Variants in ZDHHC17 observed in about 807,000 individuals in gnomAD.
ZDHHC17 encodes the protein palmitoyltransferase ZDHHC17.
ZDHHC17 carries 40 observed loss-of-function variants against 90.3 expected under a neutral mutation model. The observed-to-expected ratio is 0.44, with a 90% confidence interval of 0.34 to 0.58. ZDHHC17 has a LOEUF of 0.58. Among genes scored for constraint, ZDHHC17 ranks in the 20% least tolerant of loss-of-function variants. ZDHHC17 has a pLI of 0.01. For missense variants in ZDHHC17, 614 were observed against 780.8 expected, an observed-to-expected ratio of 0.79 and a Z score of 2.55; for synonymous variants, 235 against 252.4, an observed-to-expected ratio of 0.93 and a Z score of 0.65.
At position 76,788,688 on chromosome 12, in the gene ZDHHC17, A is replaced by ATATT. The variant is rs61663401; in HGVS notation, c.94-8745_94-8744insATTT. ...AAAATATATTTAAGTTGGAATCGCA[A>ATATT]TTTTTTTTTTTTTTTTTTTTTTTTT... On this transcript the variant is annotated intron_variant, in intron 1 of 16. Transcript: ENST00000426126. Among the ~76,000 whole-genome samples the ATATT allele has an allele frequency of 5.4e-4, 53 of 98,660 alleles. 13 individuals are homozygous for ATATT. The highest frequency in any genetic ancestry group is 8.6e-3 in the Middle Eastern group (1 of 116). The allele number at this position is 98,660 out of a possible 152,430, so 64.7% of individuals were successfully genotyped here. A position where few individuals can be genotyped will look rare whatever the true frequency, so the allele number is the denominator to read the frequency against.
rs182557393 is a variant in ZDHHC17, at chr12:76,815,451, T to G, written c.608+241T>G. Among the ~76,000 whole-genome samples, 106 of 151,964 alleles carry G rather than the reference T, an allele frequency of 7.0e-4. No individual in the cohort carries two copies. In the Middle Eastern group the frequency reaches 0.01, roughly 15 times the overall value. On this transcript the variant is annotated intron_variant, in intron 6 of 16. Transcript: ENST00000426126. ...ATATCTAAGAAAAGAAGTTATCTTTTTTTAAAAATTAATTAATTTTTTCAT... is the reference window on the plus strand; with the variant it reads ...ATATCTAAGAAAAGAAGTTATCTTTGTTTAAAAATTAATTAATTTTTTCAT...
At chr12:76,829,975 G>A (rs1397757180) in intron 10 of ZDHHC17, among the ~76,000 whole-genome samples, 1 of 152,110 alleles carries the variant, frequency 6.6e-6, no homozygotes, top group East Asian at 1.9e-4. Flanking sequence ...CTACAGGCGT[G>A]CACCACCACG....
Position 76,794,030 on chromosome 12 carries a change from C to T in ZDHHC17, c.94-3404C>T, listed in dbSNP as rs568221400. ...CCTCCCGAGTAGCTGGGACTACAGG[C>T]GCCTGCCACCATGCTGGGCTAAATT... On this transcript the variant is annotated intron_variant, in intron 1 of 16. Coordinates refer to ENST00000426126, the MANE Select transcript of ZDHHC17 (RefSeq NM_015336.4). Among the ~76,000 whole-genome samples the T allele has an allele frequency of 1.8e-3, 269 of 152,106 alleles. 2 individuals are homozygous for T. Among genetic ancestry groups the T allele is most frequent in the African/African-American group, 6.3e-3 (260 of 41,480 alleles).
At chr12:76,786,110 T>TTTTC (rs578102163) in intron 1 of ZDHHC17, among the ~76,000 whole-genome samples, 1 of 141,170 alleles carries the variant, frequency 7.1e-6, no homozygotes, top group Non-Finnish European at 1.5e-5. Context: ...TTTTTCTTTC[T>TTTTC]TTTCTTTCTT....
At chr12:76,775,423 A>G (rs982597117) in intron 1 of ZDHHC17, among the ~76,000 whole-genome samples, 13 of 152,210 alleles carry the variant, frequency 8.5e-5, no homozygotes, top group African/African-American at 3.1e-4. Flanking sequence ...CAGTGATTCC[A>G]AAGAGGCTAA....
chr12:76,842,230 G>A (rs1953444474), intron 11 of ZDHHC17, 124 bp downstream of exon 11: 6 of 1,057,794 alleles, frequency 5.7e-6, no homozygotes, highest in African/African-American at 1.7e-5. Flanking sequence ...GCTAAATTGA[G>A]ATTATGTATC....
chr12:76,850,820 GTTTTC>G (rs1312559447), intron 16 of ZDHHC17, 22 bp from the exon 17 acceptor site: 4 of 1,608,100 alleles, frequency 2.5e-6, no homozygotes, highest in African/African-American at 2.7e-5. Flanking sequence ...TGACTGACGT[GTTTTC>G]TTTTTGGGGT....
chr12:76,809,921 T>C, intron 5 of ZDHHC17, 64 bp downstream of exon 5: 2 of 1,527,852 alleles, frequency 1.3e-6, no homozygotes, highest in South Asian at 1.2e-5. Flanking sequence ...ATGCCTAATA[T>C]TATTGGTGTT....
At chr12:76,811,044 T>C (rs1953013063) in intron 5 of ZDHHC17, among the ~76,000 whole-genome samples, 1 of 152,218 alleles carries the variant, frequency 6.6e-6, no homozygotes, top group Admixed American at 6.5e-5. Context: ...CATATTGGCT[T>C]AGAGCTCCCA....
chr12:76,808,955 T>G (rs1952988027), intron 3 of ZDHHC17, 88 bp from the exon 4 acceptor site: 2 of 764,898 alleles, frequency 2.6e-6, no homozygotes, highest in African/African-American at 3.7e-5. Context: ...AGATCTGAAA[T>G]AGAAAACATG....
chr12:76,828,565 AT>A, intron 10 of ZDHHC17, 75 bp downstream of exon 10: 1 of 1,284,964 alleles, frequency 7.8e-7, no homozygotes, highest in Non-Finnish European at 1.1e-6. Flanking sequence ...ATAATTTGAC[AT>A]TAGGACTGAT....
rs1014795936 is a variant in ZDHHC17 at position 76,810,279 on chromosome 12, T to G, written c.543+422T>G. Among the ~76,000 whole-genome samples, 7 of 152,268 alleles carry G rather than the reference T, an allele frequency of 4.6e-5. No individual in the cohort carries two copies. In the South Asian group the frequency reaches 1.2e-3, roughly 27 times the overall value. Reference sequence around the variant, plus strand: ...TTCTGCTGTATAAGATAATGCTGCTTCTTACTTGTCAGAAAAACATCATAT... The same window carrying G: ...TTCTGCTGTATAAGATAATGCTGCTGCTTACTTGTCAGAAAAACATCATAT... On this transcript the variant is annotated intron_variant, in intron 5 of 16. Transcript: ENST00000426126.
intron 1 of ZDHHC17, among the ~76,000 whole-genome samples, chr12:76,792,244 CA>C (rs1411763456): frequency 2.0e-5 from 3 of 152,146 alleles, no homozygotes; most frequent in African/African-American, 7.2e-5. Flanking sequence ...TGACAAAAAA[CA>C]GTCCTATCAC....
chr12:76,821,135 G>A (rs1172488303), intron 7 of ZDHHC17: 4 of 1,284,400 alleles, frequency 3.1e-6, no homozygotes, highest in Non-Finnish European at 4.1e-6. Context: ...ATATTCCCGG[G>A]GAGTTGTTAC....
At chr12:76,824,254 T>A (rs1565794298) in intron 8 of ZDHHC17, among the ~76,000 whole-genome samples, 1 of 152,154 alleles carries the variant, frequency 6.6e-6, no homozygotes, top group Non-Finnish European at 1.5e-5. Flanking sequence ...TTTTAACATT[T>A]GTATACGATT....
intron 1 of ZDHHC17, among the ~76,000 whole-genome samples, chr12:76,790,878 G>A (rs1487357710): frequency 6.6e-6 from 1 of 151,740 alleles, no homozygotes; most frequent in Non-Finnish European, 1.5e-5. Flanking sequence ...CAGCTAGTTA[G>A]GAGGAATAAG....
chr12:76,829,792 A>G (rs1246698253), intron 10 of ZDHHC17, among the ~76,000 whole-genome samples: 3 of 152,096 alleles, frequency 2.0e-5, no homozygotes, highest in Middle Eastern at 3.2e-3. Context: ...ATTTTCACAT[A>G]TTTGCTAACT....
chr12:76,837,354 G>A (rs1378867285), intron 10 of ZDHHC17, among the ~76,000 whole-genome samples: 1 of 152,120 alleles, frequency 6.6e-6, no homozygotes, highest in Non-Finnish European at 1.5e-5. Context: ...AATTAGCCGG[G>A]TGTGGTGGTG....
At chr12:76,832,369 TTAGAC>T (rs1267692014) in intron 10 of ZDHHC17, among the ~76,000 whole-genome samples, 1 of 152,212 alleles carries the variant, frequency 6.6e-6, no homozygotes, top group African/African-American at 2.4e-5. Context: ...TTAAAACTGA[TTAGAC>T]TAGTTTTGAA....
Sources: gnomAD v4.1 joint callset for allele counts (sites outside exome capture counted in the v4.1 genomes callset) on GRCh38, gnomAD v4.1.1 for gene constraint, MANE v1.5 for transcripts, NCBI Gene and HGNC (gene_info 2026-07-23, HGNC 2026-07-21) for gene names.